NRXN3: variants seen among roughly 807,000 people sequenced by gnomAD.
NRXN3 encodes the protein neurexin III.
A neutral mutation model predicts 137.6 loss-of-function variants in NRXN3; 32 were observed. The observed-to-expected ratio is 0.23, with a 90% CI of 0.18 to 0.31. The LOEUF (loss-of-function observed/expected upper bound fraction) is 0.31. Among genes scored for constraint, NRXN3 ranks in the 10% least tolerant of loss-of-function variants. NRXN3 has a pLI of 1.00. For synonymous variants in NRXN3, 798 were observed against 784.5 expected, an observed-to-expected ratio of 1.02 and a Z score of -0.29; for missense variants, 1,574 against 2,062.5, an observed-to-expected ratio of 0.76 and a Z score of 4.59.
chr14:78,438,492 A>G (rs533492853), intron 4 of NRXN3, among the ~76,000 whole-genome samples: 24 of 152,232 alleles, frequency 1.6e-4, no homozygotes, highest in Non-Finnish European at 4.4e-5. Context: ...GGTATAAGAG[A>G]ACAGGTGTTA....
intron 10 of NRXN3, among the ~76,000 whole-genome samples, chr14:78,902,285 C>G (rs753819078): frequency 1.4e-4 from 21 of 152,040 alleles, no homozygotes; most frequent in Non-Finnish European, 3.1e-4. Flanking sequence ...GGAATAGTTT[C>G]TATATTTGAC....
chr14:79,102,854 G>A (rs1006160028), intron 15 of NRXN3, among the ~76,000 whole-genome samples: 1 of 152,088 alleles, frequency 6.6e-6, no homozygotes, highest in African/African-American at 2.4e-5. Context: ...TATAGGTGGG[G>A]TGAAAAAATG....
At position 78,235,002 on chromosome 14, in the gene NRXN3, A is replaced by ATATATATATATATATATGTGTG. The variant is rs1555418554; in HGVS notation, c.-703-7372_-703-7371insGTGTGTATATATATATATATAT. 3.2e-4 allele frequency among the ~76,000 whole-genome samples: 15 copies of ATATATATATATATATATGTGTG among 47,444 alleles called. 1 individual carries two copies. The highest frequency in any genetic ancestry group is 6.2e-4 in the South Asian group (1 of 1,614). 31.1% of individuals were successfully genotyped at this position (47,444 alleles called of 152,430 possible). A position where few individuals can be genotyped will look rare whatever the true frequency, so the allele number is the denominator to read the frequency against. ...GGCAGCCACAAATGCTTTTATATAT[A>ATATATATATATATATATGTGTG]TATATATATATATATATATATGTGT... On this transcript the variant is annotated intron_variant, in intron 1 of 20. Transcript: ENST00000335750.
chr14:78,632,158 T>G (rs935980577), intron 4 of NRXN3, among the ~76,000 whole-genome samples: 8 of 151,950 alleles, frequency 5.3e-5, no homozygotes, highest in South Asian at 2.1e-4. Flanking sequence ...TATGCTCTCA[T>G]AATTAAGATA....
At chr14:79,290,318 C>T (rs182534319) in intron 15 of NRXN3, among the ~76,000 whole-genome samples, 7 of 152,080 alleles carry the variant, frequency 4.6e-5, no homozygotes, top group Admixed American at 1.3e-4. Context: ...GGCAATAGAG[C>T]GGGTTGATAG....
chr14:79,234,710 A>G (rs1428442840), intron 15 of NRXN3, among the ~76,000 whole-genome samples: 1 of 151,964 alleles, frequency 6.6e-6, no homozygotes, highest in East Asian at 1.9e-4. Flanking sequence ...TTAGGTATTC[A>G]CAGTGCATAT....
intron 8 of NRXN3, among the ~76,000 whole-genome samples, chr14:78,788,858 T>C (rs966066045): frequency 6.6e-6 from 1 of 152,128 alleles, no homozygotes; most frequent in Non-Finnish European, 1.5e-5. Flanking sequence ...GGTTTTACCA[T>C]GAAATAACTT....
intron 1 of NRXN3, among the ~76,000 whole-genome samples, chr14:78,204,024 G>T (rs2061951124): frequency 6.6e-6 from 1 of 151,994 alleles, no homozygotes; most frequent in Non-Finnish European, 1.5e-5. Flanking sequence ...TATTGAAAGG[G>T]TTGTAAAGGT....
intron 15 of NRXN3, among the ~76,000 whole-genome samples, chr14:79,059,715 A>G (rs771373113): frequency 6.6e-6 from 1 of 152,132 alleles, no homozygotes; most frequent in Non-Finnish European, 1.5e-5. Flanking sequence ...TCACAAGATA[A>G]CCATCCTTTT....
intron 15 of NRXN3, among the ~76,000 whole-genome samples, chr14:79,110,710 G>C (rs779860765): frequency 3.3e-5 from 5 of 151,916 alleles, no homozygotes; most frequent in Non-Finnish European, 4.4e-5. Flanking sequence ...ATGAATAAAG[G>C]GTCCTGGGAA....
chr14:79,342,010 T>C (rs1381287372), intron 15 of NRXN3, among the ~76,000 whole-genome samples: 1 of 152,142 alleles, frequency 6.6e-6, no homozygotes, highest in Non-Finnish European at 1.5e-5. Flanking sequence ...AAAGCTAGAA[T>C]CAAAAGAATT....
At chr14:79,815,239 A>T (rs1352632924) in intron 20 of NRXN3, among the ~76,000 whole-genome samples, 1 of 152,246 alleles carries the variant, frequency 6.6e-6, no homozygotes, top group Non-Finnish European at 1.5e-5. Context: ...TACGAACAGC[A>T]TGAAAATGAC....
chr14:79,635,636 T>C lies in NRXN3; in HGVS notation c.3445-28142T>C, dbSNP rs117567930. Reference sequence around the variant, plus strand: ...CCATCCACCTTTGGTGTTCCTTGGCTTGCAACTGCATCACTCTAATCTCTG... The same window carrying C: ...CCATCCACCTTTGGTGTTCCTTGGCCTGCAACTGCATCACTCTAATCTCTG... On this transcript the variant is annotated intron_variant, in intron 16 of 20. Coordinates refer to ENST00000335750, the MANE Select transcript of NRXN3 (RefSeq NM_001330195.2). Among the ~76,000 whole-genome samples, 3,138 of 152,324 alleles carry C rather than the reference T, an allele frequency of 0.021. 175 individuals carry two copies. The East Asian group carries it at 0.22, about 11-fold the overall frequency.
At chr14:79,613,876 G>A (rs373371685) in intron 16 of NRXN3, among the ~76,000 whole-genome samples, 1 of 152,344 alleles carries the variant, frequency 6.6e-6, no homozygotes, top group African/African-American at 2.4e-5. Context: ...GTTGGTAGCT[G>A]GTGATGCCTC....
chr14:78,627,122 C>G (rs1017362344), intron 4 of NRXN3, among the ~76,000 whole-genome samples: 10 of 144,006 alleles, frequency 6.9e-5, no homozygotes, highest in Admixed American at 1.3e-4. Flanking sequence ...CTCTCTCTCT[C>G]TCTCTCTCTC....
intron 16 of NRXN3, among the ~76,000 whole-genome samples, chr14:79,582,677 C>T (rs1227115254): frequency 1.3e-5 from 2 of 152,076 alleles, no homozygotes; most frequent in Non-Finnish European, 2.9e-5. Context: ...CCTCAGCCTC[C>T]CAAAGTGCTG....
At chr14:79,347,723 C>A (rs1338106778) in intron 15 of NRXN3, among the ~76,000 whole-genome samples, 1 of 152,088 alleles carries the variant, frequency 6.6e-6, no homozygotes, top group Non-Finnish European at 1.5e-5. Context: ...ACCTGGCCAA[C>A]ATTTCCCTTT....
intron 15 of NRXN3, among the ~76,000 whole-genome samples, chr14:79,048,623 CT>C (rs56880456): frequency 0.94 from 137,821 of 146,836 alleles, 65,007 homozygotes; most frequent in Non-Finnish European, 0.99. Context: ...TTCAGTGAGT[CT>C]TTTTTTTTTT....
At chr14:79,284,011 G>A (rs2081743784) in intron 15 of NRXN3, among the ~76,000 whole-genome samples, 1 of 151,630 alleles carries the variant, frequency 6.6e-6, no homozygotes, top group Non-Finnish European at 1.5e-5. Context: ...TATCCCTCCA[G>A]GTTCCTTTTC....
Sources: gnomAD v4.1 joint callset for allele counts (sites outside exome capture counted in the v4.1 genomes callset) on GRCh38, gnomAD v4.1.1 for gene constraint, MANE v1.5 for transcripts, NCBI Gene and HGNC (gene_info 2026-07-23, HGNC 2026-07-21) for gene names.